The following LRCH3 variants were observed in gnomAD, a reference collection of about 807,000 sequenced individuals.
The protein encoded by LRCH3 is DISP complex protein LRCH3.
A neutral mutation model predicts 104.5 loss-of-function variants in LRCH3; 68 were observed. The ratio of observed to expected loss-of-function variants is 0.65; its 90% confidence interval spans 0.54 to 0.80. The LOEUF is 0.80. LRCH3 is among the 30% of genes least tolerant of loss of function. The pLI is 0.00. For missense variants in LRCH3, 951 were observed against 953.9 expected, an observed-to-expected ratio of 1.00 and a Z score of 0.04; for synonymous variants, 344 against 361.3, an observed-to-expected ratio of 0.95 and a Z score of 0.54.
chr3:197,871,378 A>G lies in LRCH3; in HGVS notation c.2046A>G (p.Leu682=). ...TACCTTGTGATCTCGGAGCAGCTCT[A>G]ACTGACGGTGTTGTTCTTTGCCATT... ...VSLPCDLGAA[L]TDGVVLCHLA... The change falls in exon 19 of 21, where the codon CTA becomes CTG. Residue 682 remains leucine (L), a synonymous_variant. Coordinates refer to ENST00000425562, the MANE Select transcript of LRCH3 (RefSeq NM_001365715.1). 6.2e-7 allele frequency: 1 copy of G among 1,614,056 alleles called. No individual in the cohort carries two copies. The highest frequency in any genetic ancestry group is 8.5e-7 in the Non-Finnish European group (1 of 1,179,956).
intron 1 of LRCH3, among the ~76,000 whole-genome samples, chr3:197,799,649 C>T (rs1468007104): frequency 1.3e-5 from 2 of 150,986 alleles, no homozygotes; most frequent in Admixed American, 6.6e-5. Flanking sequence ...GGTGGATCAC[C>T]TGAGATCAGG....
chr3:197,852,652 T>C, intron 13 of LRCH3, 32 bp downstream of exon 13: 2 of 1,591,784 alleles, frequency 1.3e-6, no homozygotes, highest in Non-Finnish European at 1.7e-6. Context: ...TTCTTTGGAG[T>C]TGATTATTTT....
chr3:197,875,209 C>T (rs563079720), intron 19 of LRCH3, among the ~76,000 whole-genome samples: 12 of 152,176 alleles, frequency 7.9e-5, no homozygotes, highest in African/African-American at 2.6e-4. Flanking sequence ...GGGATTATGG[C>T]GTGAGCCACC....
chr3:197,859,829 T>TA (rs1170596950), intron 15 of LRCH3, among the ~76,000 whole-genome samples: 1 of 152,162 alleles, frequency 6.6e-6, no homozygotes, highest in African/African-American at 2.4e-5. Context: ...TAAAAACAAT[T>TA]ACGATGCCAT....
intron 10 of LRCH3, among the ~76,000 whole-genome samples, chr3:197,843,401 A>G (rs1487161806): frequency 2.0e-5 from 3 of 152,094 alleles, no homozygotes; most frequent in African/African-American, 7.2e-5. Context: ...TCCCAGCACT[A>G]TACTGGCCGG....
intron 20 of LRCH3, chr3:197,882,110 C>T: frequency 3.0e-6 from 3 of 985,400 alleles, no homozygotes; most frequent in Non-Finnish European, 3.6e-6. Flanking sequence ...TGTAATTGTA[C>T]ATTCTCTTGA....
At chr3:197,861,143 C>A (rs1740835364) in intron 15 of LRCH3, among the ~76,000 whole-genome samples, 1 of 151,882 alleles carries the variant, frequency 6.6e-6, no homozygotes, top group Non-Finnish European at 1.5e-5. Flanking sequence ...CGGCTAATAA[C>A]CTCAACTTTA....
rs1055116375 is a variant in LRCH3 at position 197,879,559 on chromosome 3, T to C, written c.2208+3784T>C. On this transcript the variant is annotated intron_variant, in intron 20 of 20. Coordinates refer to ENST00000425562, the MANE Select transcript of LRCH3 (RefSeq NM_001365715.1). ...TGCTCGGGAGGCTGAGGCGGGAGAATGGCGGGAACCCGGGAGGCGGAGCTT... is the reference window on the plus strand; with the variant it reads ...TGCTCGGGAGGCTGAGGCGGGAGAACGGCGGGAACCCGGGAGGCGGAGCTT... Among the ~76,000 whole-genome samples the C allele has an allele frequency of 5.2e-4, 79 of 151,862 alleles. No homozygotes were observed. The East Asian group carries it at 7.5e-3, about 14-fold the overall frequency.
chr3:197,873,998 C>T (rs569575745), intron 19 of LRCH3, among the ~76,000 whole-genome samples: 10 of 134,620 alleles, frequency 7.4e-5, no homozygotes, highest in East Asian at 4.4e-4. Context: ...TCCAGCCTGG[C>T]GACAGAGTGA....
intron 8 of LRCH3, among the ~76,000 whole-genome samples, chr3:197,835,058 C>T (rs543411744): frequency 1.0e-3 from 153 of 152,170 alleles, no homozygotes; most frequent in Admixed American, 2.6e-3. Context: ...GCAGGAGAAT[C>T]GCTTGAACGT....
rs939224600 is a variant in LRCH3 at position 197,883,988 on chromosome 3, C to G, written c.*322C>G. 7 of 253,216 alleles carry G rather than the reference C, an allele frequency of 2.8e-5. No individual in the cohort carries two copies. Among genetic ancestry groups the G allele is most frequent in the Non-Finnish European group, 5.3e-5 (7 of 132,702 alleles). The allele number at this position is 253,216 out of a possible 1,614,324, so 15.7% of individuals were successfully genotyped here. On this transcript the variant is annotated 3_prime_UTR_variant, in exon 21 of 21. Coordinates refer to ENST00000425562, the MANE Select transcript of LRCH3 (RefSeq NM_001365715.1). The surrounding 1 kb of genome is among the most constrained non-coding windows in gnomAD (Gnocchi z 4.2). ...GAAAGCACATCTTCTGTGTTAGGCACAAGCATGCTGTGCCATTGTTTTTAC... is the reference window on the plus strand; with the variant it reads ...GAAAGCACATCTTCTGTGTTAGGCAGAAGCATGCTGTGCCATTGTTTTTAC...
At chr3:197,874,986 G>A (rs930911124) in intron 19 of LRCH3, among the ~76,000 whole-genome samples, 3 of 146,380 alleles carry the variant, frequency 2.0e-5, no homozygotes, top group South Asian at 2.1e-4. Context: ...GCAATGGTGC[G>A]ATCTCAGCTC....
At chr3:197,868,640 G>C (rs1711634583) in intron 17 of LRCH3, among the ~76,000 whole-genome samples, 1 of 152,136 alleles carries the variant, frequency 6.6e-6, no homozygotes, top group Admixed American at 6.5e-5. Flanking sequence ...TTGTACAATG[G>C]AATACCATAT....
chr3:197,832,882 T>G (rs1736151710), intron 8 of LRCH3, among the ~76,000 whole-genome samples: 1 of 152,282 alleles, frequency 6.6e-6, no homozygotes, highest in Non-Finnish European at 1.5e-5. Flanking sequence ...TTGCTTGAAT[T>G]GGTTTGAATT....
intron 19 of LRCH3, 127 bp downstream of exon 19, chr3:197,871,589 C>T (rs1712201370): frequency 7.9e-7 from 1 of 1,265,272 alleles, no homozygotes; most frequent in Non-Finnish European, 1.1e-6. Context: ...TCTCTACCTT[C>T]CTGGTCTCAC....
At chr3:197,862,146 C>T (rs1173994995) in intron 15 of LRCH3, among the ~76,000 whole-genome samples, 1 of 152,166 alleles carries the variant, frequency 6.6e-6, no homozygotes, top group Admixed American at 6.6e-5. Context: ...CAGGCGCATG[C>T]CACCACGCCC....
chr3:197,885,794 G>T lies in LRCH3; in HGVS notation c.*2128G>T, dbSNP rs1412175654. The T allele has an allele frequency of 6.6e-6, 1 of 152,174 alleles. No individual in the cohort carries two copies. Among genetic ancestry groups the T allele is most frequent in the Non-Finnish European group, 1.5e-5 (1 of 68,030 alleles). 9.4% of individuals were successfully genotyped at this position (152,174 alleles called of 1,614,324 possible). ...TTGGTGATATCCTTTGGTGTTCACTGCCTTTGTAAAACAAGTAAATAAAGT... is the reference window on the plus strand; with the variant it reads ...TTGGTGATATCCTTTGGTGTTCACTTCCTTTGTAAAACAAGTAAATAAAGT... On this transcript the variant is annotated 3_prime_UTR_variant, in exon 21 of 21. Transcript: ENST00000425562.
chr3:197,875,270 T>G (rs142378404), intron 19 of LRCH3, among the ~76,000 whole-genome samples: 2 of 152,186 alleles, frequency 1.3e-5, no homozygotes, highest in Non-Finnish European at 2.9e-5. Flanking sequence ...ACATTTATTA[T>G]CTGATCCTTT....
Position 197,854,540 on chromosome 3 carries a change from A to G in LRCH3, c.1644+95A>G, listed in dbSNP as rs9867722. 0.012 allele frequency: 13,356 copies of G among 1,141,176 alleles called. 1,087 individuals are homozygous for G. In the African/African-American group the frequency reaches 0.17, roughly 15 times the overall value. 70.7% of individuals were successfully genotyped at this position (1,141,176 alleles called of 1,614,324 possible). On this transcript the variant is annotated intron_variant, in intron 14 of 20. Coordinates refer to ENST00000425562, the MANE Select transcript of LRCH3 (RefSeq NM_001365715.1). This position sits in a 1 kb window ranked among gnomAD's most constrained non-coding sequence, Gnocchi z 4.5. The stretch of plus-strand genomic sequence containing the variant: ...ATCTAAATACCATAAAACATGATGA[A>G]CATCATTACTAAATGCTTTATGAAG...
Sources: gnomAD v4.1 joint callset for allele counts (sites outside exome capture counted in the v4.1 genomes callset) on GRCh38, gnomAD v4.1.1 for gene constraint, Gnocchi (gnomAD v3.1) non-coding constraint, MANE v1.5 for transcripts, NCBI Gene and HGNC (gene_info 2026-07-23, HGNC 2026-07-21) for gene names.